Variants in TP53BP1 observed in about 807,000 individuals in gnomAD.
The protein encoded by TP53BP1 is TP53-binding protein 1.
TP53BP1 carries 61 observed loss-of-function variants against 200.8 expected under a neutral mutation model. The observed-to-expected ratio is 0.30, with a 90% confidence interval of 0.25 to 0.38. TP53BP1 has a LOEUF of 0.38. TP53BP1 is among the 10% of genes least tolerant of loss of function. The pLI is 1.00. For missense variants in TP53BP1, 2,144 were observed against 2,371.9 expected (o/e 0.90, Z 2.00); for synonymous variants, 822 against 844.3 (o/e 0.97, Z 0.46).
intron 4 of TP53BP1, among the ~76,000 whole-genome samples, chr15:43,489,648 C>T (rs1047580583): frequency 1.3e-5 from 2 of 152,230 alleles, no homozygotes; most frequent in Non-Finnish European, 2.9e-5. Flanking sequence ...CTACTCATAA[C>T]TCCAGCCAAC....
chr15:43,420,276 A>G, intron 21 of TP53BP1, 29 bp downstream of exon 21: 1 of 1,596,944 alleles, frequency 6.3e-7, no homozygotes, highest in Non-Finnish European at 8.6e-7. Flanking sequence ...GCACAAAAAA[A>G]TCTCTACAAA....
chr15:43,408,811 G>A, intron 26 of TP53BP1, 86 bp downstream of exon 26: 1 of 1,345,742 alleles, frequency 7.4e-7, no homozygotes, highest in Non-Finnish European at 1.1e-6. Context: ...TTTCTAGAAA[G>A]CTTTACTCTC....
upstream of TP53BP1, among the ~76,000 whole-genome samples, chr15:43,498,017 A>G (rs1889200647): frequency 6.6e-6 from 1 of 152,218 alleles, no homozygotes; most frequent in Non-Finnish European, 1.5e-5. Flanking sequence ...TTAATTGTAT[A>G]GGTAACAGTG....
At chr15:43,492,990 C>T in intron 1 of TP53BP1, 47 bp downstream of exon 1, 1 of 1,564,934 alleles carries the variant, frequency 6.4e-7, no homozygotes, top group East Asian at 2.4e-5. Context: ...GACCCGAAAT[C>T]CAGGCCTTCA....
intron 20 of TP53BP1, 135 bp from the exon 21 acceptor site, chr15:43,420,870 G>T: frequency 7.8e-7 from 1 of 1,285,828 alleles, no homozygotes; most frequent in Non-Finnish European, 1.1e-6. Flanking sequence ...GCATGAGCCT[G>T]GTCTCTCTGT....
At chr15:43,425,177 A>G (rs558802748) in intron 18 of TP53BP1, among the ~76,000 whole-genome samples, 1 of 152,176 alleles carries the variant, frequency 6.6e-6, no homozygotes, top group East Asian at 1.9e-4. Flanking sequence ...TTATTTATAA[A>G]TTATCCAGTC....
intron 12 of TP53BP1, among the ~76,000 whole-genome samples, chr15:43,452,363 C>T (rs1000311514): frequency 6.6e-6 from 1 of 151,874 alleles, no homozygotes; most frequent in South Asian, 2.1e-4. Flanking sequence ...TCCAAGAGTT[C>T]GAGATCAGCC....
chr15:43,456,081 C>T lies in TP53BP1; in HGVS notation c.2527G>A (p.Val843Met). The change falls in exon 12 of 28, where the codon GTG becomes ATG. Residue 843 changes from valine (V) to methionine (M), a missense_variant. Transcript: ENST00000382044. ...AGTCTTAAAGGATCATCTGCTCTCA[C>T]TAAAGGTAAGGAAGGCTGTGAAGAA... Reference protein sequence around the residue: ...QDSSQPSLPLVRADDPLRLDQ... With the variant: ...QDSSQPSLPLMRADDPLRLDQ... The T allele has an allele frequency of 1.2e-6, 2 of 1,614,202 alleles. No individual in the cohort carries two copies.
At chr15:43,427,943 TA>T in intron 18 of TP53BP1, 72 bp downstream of exon 18, 1 of 1,103,176 alleles carries the variant, frequency 9.1e-7, no homozygotes, top group Non-Finnish European at 1.3e-6. Context: ...GGTAACAAAG[TA>T]AGACCCTGTC....
intron 1 of TP53BP1, among the ~76,000 whole-genome samples, chr15:43,509,481 T>G (rs1050516871): frequency 1.6e-4 from 25 of 152,308 alleles, no homozygotes; most frequent in Admixed American, 1.6e-3. Context: ...CAATCCTGGC[T>G]TACTGCAACC....
At chr15:43,491,524 A>C in intron 4 of TP53BP1, 145 bp downstream of exon 4, 1 of 700,542 alleles carries the variant, frequency 1.4e-6, no homozygotes, top group African/African-American at 1.8e-5. Flanking sequence ...TACTATTACA[A>C]TACTATCTAA....
intron 15 of TP53BP1, among the ~76,000 whole-genome samples, chr15:43,440,890 AAAAAT>A (rs999990626): frequency 6.6e-6 from 1 of 152,188 alleles, no homozygotes; most frequent in Non-Finnish European, 1.5e-5. Flanking sequence ...TTCTGTCTCA[AAAAAT>A]AAAAAAGAAA....
upstream of TP53BP1, among the ~76,000 whole-genome samples, chr15:43,495,529 AC>A (rs2079177585): frequency 1.4e-5 from 2 of 142,146 alleles, no homozygotes; most frequent in Non-Finnish European, 3.1e-5. Flanking sequence ...ACACACACAC[AC>A]ACAAAAGCCA....
chr15:43,403,593 T>C lies in TP53BP1; in HGVS notation c.*3790A>G, dbSNP rs938205232. The C allele has an allele frequency of 4.3e-6, 4 of 940,888 alleles. No homozygotes were observed. Among genetic ancestry groups the C allele is most frequent in the Non-Finnish European group, 6.7e-6 (4 of 599,624 alleles). The allele number at this position is 940,888 out of a possible 1,614,324, so 58.3% of individuals were successfully genotyped here. A position where few individuals can be genotyped will look rare whatever the true frequency, so the allele number is the denominator to read the frequency against. On this transcript the variant is annotated 3_prime_UTR_variant, in exon 28 of 28. Transcript: ENST00000382044. The stretch of plus-strand genomic sequence containing the variant: ...TTTGGGAGGTCAGCTATTAATTAGA[T>C]CAGCTATTAATCAGACTGTTCTCCT...
At chr15:43,444,261 T>C (rs563453852) in intron 14 of TP53BP1, among the ~76,000 whole-genome samples, 2 of 150,694 alleles carry the variant, frequency 1.3e-5, no homozygotes, top group Admixed American at 1.3e-4. Flanking sequence ...CTCTCTCTCT[T>C]GACAAACCCT....
chr15:43,451,854 G>T (rs1450498783), intron 12 of TP53BP1, among the ~76,000 whole-genome samples: 4 of 152,274 alleles, frequency 2.6e-5, no homozygotes, highest in Admixed American at 2.6e-4. Context: ...TTTAAATTTG[G>T]CCAGGCCCAG....
chr15:43,454,525 G>A (rs991114515), intron 12 of TP53BP1, among the ~76,000 whole-genome samples: 1 of 151,382 alleles, frequency 6.6e-6, no homozygotes, highest in African/African-American at 2.4e-5. Flanking sequence ...CAGCACTCCT[G>A]GCTAATTTTG....
chr15:43,457,069 C>T lies in TP53BP1; in HGVS notation c.1539G>A (p.Leu513=), dbSNP rs866575111. The change falls in exon 12 of 28, where the codon TTG becomes TTA. Residue 513 remains leucine, a synonymous_variant. Coordinates refer to ENST00000382044, the MANE Select transcript of TP53BP1 (RefSeq NM_001141980.3). The part of the protein sequence containing the change: ...KNSPEDLGLS[L]TGDSCKLMLS... Reference sequence around the variant, plus strand: ...GCATCAACTTGCAAGAATCCCCTGTCAAAGATAGCCCAAGATCCTCAGGGG... The same window carrying T: ...GCATCAACTTGCAAGAATCCCCTGTTAAAGATAGCCCAAGATCCTCAGGGG... The T allele has an allele frequency of 1.9e-6, 3 of 1,614,166 alleles. No homozygotes were observed. Among genetic ancestry groups the T allele is most frequent in the Non-Finnish European group, 2.5e-6 (3 of 1,180,038 alleles).
In TP53BP1 at chr15:43,404,619, T is replaced by C. The variant is rs2044795919; in HGVS notation, c.*2764A>G. 1.9e-6 allele frequency: 3 copies of C among 1,550,180 alleles called. No individual in the cohort carries two copies. The highest frequency in any genetic ancestry group is 2.3e-5 in the South Asian group (2 of 85,396). On this transcript the variant is annotated 3_prime_UTR_variant, in exon 28 of 28. Coordinates refer to ENST00000382044, the MANE Select transcript of TP53BP1 (RefSeq NM_001141980.3). ...GGCTTTTTAATGAGTTGTAGAATTC[T>C]AGAACTGGAAGAAGACTTTAGTCCA...
Sources: allele counts gnomAD v4.1 joint callset (sites outside exome capture counted in the v4.1 genomes callset), GRCh38; gene constraint gnomAD v4.1.1; transcripts MANE v1.5; gene names NCBI Gene and HGNC (gene_info 2026-07-23, HGNC 2026-07-21).